Variants in CCDC91 observed in about 807,000 individuals in gnomAD.
The protein encoded by CCDC91 is coiled-coil domain containing 91, also known as coiled-coil domain-containing protein 91.
CCDC91 carries 48 observed loss-of-function variants against 63.2 expected under a neutral mutation model. The observed-to-expected ratio is 0.76, with a 90% confidence interval of 0.60 to 0.97. The LOEUF (loss-of-function observed/expected upper bound fraction) is 0.97, where lower values mean the gene tolerates loss of function less well. Among genes scored for constraint, CCDC91 ranks in the 50% least tolerant of loss-of-function variants. The pLI is 0.00. For missense variants in CCDC91, 500 were observed against 494.6 expected (o/e 1.01, Z -0.10); for synonymous variants, 167 against 165.8 (o/e 1.01, Z -0.06).
At chr12:28,515,882 C>T (rs897753008) in intron 12 of CCDC91, among the ~76,000 whole-genome samples, 1 of 151,848 alleles carries the variant, frequency 6.6e-6, no homozygotes. Flanking sequence ...CCCTCACCTC[C>T]CCATCCACTC....
intron 1 of CCDC91, among the ~76,000 whole-genome samples, chr12:28,232,331 T>G (rs1944652723): frequency 6.6e-6 from 1 of 152,128 alleles, no homozygotes; most frequent in Non-Finnish European, 1.5e-5. Context: ...CTTAAAAATT[T>G]TTTTTTTCAC....
intron 6 of CCDC91, among the ~76,000 whole-genome samples, chr12:28,322,939 A>AT (rs1483068165): frequency 2.6e-5 from 4 of 151,170 alleles, no homozygotes; most frequent in Non-Finnish European, 5.9e-5. Context: ...AGTATGTTAG[A>AT]TTTTTTTCAT....
At chr12:28,523,900 G>A (rs1376469708) in intron 12 of CCDC91, among the ~76,000 whole-genome samples, 1 of 152,054 alleles carries the variant, frequency 6.6e-6, no homozygotes, top group Non-Finnish European at 1.5e-5. Flanking sequence ...TTGAATATTA[G>A]CCCCCACTCT....
chr12:28,449,690 A>G (rs1407535557), intron 8 of CCDC91, among the ~76,000 whole-genome samples: 1 of 152,010 alleles, frequency 6.6e-6, no homozygotes, highest in Non-Finnish European at 1.5e-5. Flanking sequence ...GGTGACAACA[A>G]TTAATAAATC....
chr12:28,443,437 GC>G (rs761258920), intron 8 of CCDC91, among the ~76,000 whole-genome samples: 1 of 151,960 alleles, frequency 6.6e-6, no homozygotes, highest in Non-Finnish European at 1.5e-5. Flanking sequence ...GCTATATAGA[GC>G]AAAGTGGTTT....
chr12:28,266,829 A>C (rs1565696809), intron 3 of CCDC91, among the ~76,000 whole-genome samples: 3 of 151,892 alleles, frequency 2.0e-5, no homozygotes, highest in Admixed American at 1.3e-4. Context: ...TTTTTCTATA[A>C]TATGAAGATA....
At chr12:28,211,759 G>A (rs1049615250) in intron 1 of CCDC91, among the ~76,000 whole-genome samples, 6 of 151,624 alleles carry the variant, frequency 4.0e-5, no homozygotes, top group African/African-American at 1.5e-4. Context: ...AACTTAGCCA[G>A]TTCTTTTTTT....
chr12:28,447,936 A>G (rs1949616228), intron 8 of CCDC91, among the ~76,000 whole-genome samples: 1 of 151,908 alleles, frequency 6.6e-6, no homozygotes, highest in African/African-American at 2.4e-5. Context: ...TTCAGGAAAC[A>G]TCTTATTTTA....
chr12:28,418,627 A>C (rs1947819990), intron 8 of CCDC91, among the ~76,000 whole-genome samples: 1 of 152,110 alleles, frequency 6.6e-6, no homozygotes, highest in Non-Finnish European at 1.5e-5. Flanking sequence ...TATTATGTTA[A>C]TGGCAGATTA....
intron 11 of CCDC91, among the ~76,000 whole-genome samples, chr12:28,481,590 A>C (rs556630317): frequency 6.6e-6 from 1 of 152,064 alleles, no homozygotes; most frequent in Non-Finnish European, 1.5e-5. Context: ...TACCACTTGC[A>C]TACATGCAAA....
intron 3 of CCDC91, among the ~76,000 whole-genome samples, chr12:28,293,171 A>C (rs2136837669): frequency 6.6e-6 from 1 of 152,330 alleles, no homozygotes; most frequent in East Asian, 1.9e-4. Context: ...AGAAAATAGA[A>C]CAGAAGAAGC....
chr12:28,544,940 T>A (rs1942882965), intron 12 of CCDC91, among the ~76,000 whole-genome samples: 1 of 152,060 alleles, frequency 6.6e-6, no homozygotes, highest in Admixed American at 6.6e-5. Context: ...AAATTAAAAA[T>A]TTTAGTAAGT....
chr12:28,317,122 A>T (rs1180147921), intron 6 of CCDC91, among the ~76,000 whole-genome samples: 1 of 151,884 alleles, frequency 6.6e-6, no homozygotes, highest in Admixed American at 6.6e-5. Flanking sequence ...TCCTGCACAG[A>T]TTCGGATGCC....
chr12:28,439,733 C>T (rs201355717), intron 8 of CCDC91, among the ~76,000 whole-genome samples: 62 of 132,896 alleles, frequency 4.7e-4, no homozygotes, highest in African/African-American at 5.1e-4. Flanking sequence ...TTTCTTTTTT[C>T]TTTTTTTTTT....
At chr12:28,226,506 G>A (rs1451157437) in intron 1 of CCDC91, among the ~76,000 whole-genome samples, 1 of 151,910 alleles carries the variant, frequency 6.6e-6, no homozygotes, top group Non-Finnish European at 1.5e-5. Context: ...GAATAGTAAT[G>A]GTTTTCTGTG....
chr12:28,209,783 A>C (rs1361335847), intron 1 of CCDC91, among the ~76,000 whole-genome samples: 2 of 151,968 alleles, frequency 1.3e-5, no homozygotes, highest in Non-Finnish European at 2.9e-5. Flanking sequence ...GCTTTATCTA[A>C]TTTTAAACAA....
intron 11 of CCDC91, among the ~76,000 whole-genome samples, chr12:28,467,176 T>C (rs1249841892): frequency 6.6e-6 from 1 of 151,972 alleles, no homozygotes; most frequent in African/African-American, 2.4e-5. Flanking sequence ...GTAAACTGGC[T>C]GAAGGTATTT....
chr12:28,266,014 C>A (rs1947161066), intron 3 of CCDC91, among the ~76,000 whole-genome samples: 1 of 151,966 alleles, frequency 6.6e-6, no homozygotes, highest in Non-Finnish European at 1.5e-5. Flanking sequence ...TTTGCTACAT[C>A]TTGTATTTTC....
At chr12:28,244,167 CTG>C (rs1297793368) in intron 1 of CCDC91, among the ~76,000 whole-genome samples, 3 of 152,080 alleles carry the variant, frequency 2.0e-5, no homozygotes, top group Non-Finnish European at 2.9e-5. Flanking sequence ...AAGTGAAAAA[CTG>C]TATAATTAAA....
Sources: allele counts gnomAD v4.1 joint callset (sites outside exome capture counted in the v4.1 genomes callset), GRCh38; gene constraint gnomAD v4.1.1; transcripts MANE v1.5; gene names NCBI Gene and HGNC (gene_info 2026-07-23, HGNC 2026-07-21).